RBFOX3: variants seen among roughly 807,000 people sequenced by gnomAD.
RBFOX3 encodes RNA binding protein fox-1 homolog 3.
In RBFOX3, 17 loss-of-function variants were observed where a neutral mutation model predicts 48.7. That is an observed-to-expected ratio of 0.35 (90% confidence interval 0.24 to 0.52). The LOEUF is 0.52. RBFOX3 is among the 20% of genes least tolerant of loss of function. The probability of loss-of-function intolerance (pLI) is 0.94; values close to 1 mark genes in which losing one functional copy is unlikely to be tolerated. For missense variants in RBFOX3, 382 were observed against 497.5 expected (o/e 0.77, Z 2.21); for synonymous variants, 212 against 209.5 (o/e 1.01, Z -0.10).
intron 4 of RBFOX3, among the ~76,000 whole-genome samples, chr17:79,124,182 ACAC>A (rs1441626286): frequency 6.6e-6 from 1 of 152,204 alleles, no homozygotes. Flanking sequence ...GGGAGCATTT[ACAC>A]CACAGGAATC....
At chr17:79,374,585 T>G (rs1336428520) in intron 2 of RBFOX3, among the ~76,000 whole-genome samples, 1 of 152,242 alleles carries the variant, frequency 6.6e-6, no homozygotes, top group Non-Finnish European at 1.5e-5. Flanking sequence ...ATGCGAGAGC[T>G]GGCTGCGCCC....
intron 2 of RBFOX3, among the ~76,000 whole-genome samples, chr17:79,338,442 A>G (rs1434874522): frequency 2.0e-5 from 3 of 152,066 alleles, no homozygotes; most frequent in East Asian, 1.9e-4. Flanking sequence ...CTGTCTTTCC[A>G]TGGAATTTCA....
chr17:79,145,845 G>C (rs1215460202), intron 4 of RBFOX3, among the ~76,000 whole-genome samples: 1 of 152,206 alleles, frequency 6.6e-6, no homozygotes, highest in Non-Finnish European at 1.5e-5. Context: ...GGACAGGGTA[G>C]GTCAGCGTCT....
intron 4 of RBFOX3, among the ~76,000 whole-genome samples, chr17:79,192,262 G>A (rs2054663944): frequency 6.6e-6 from 1 of 152,222 alleles, no homozygotes; most frequent in Admixed American, 6.5e-5. Context: ...GCCCTATGCT[G>A]CTCTTAGCCG....
At chr17:79,563,147 C>A (rs1034277778) in intron 1 of RBFOX3, among the ~76,000 whole-genome samples, 19 of 151,694 alleles carry the variant, frequency 1.3e-4, no homozygotes, top group African/African-American at 4.6e-4. Flanking sequence ...AACAAGCCAA[C>A]AGGATCAATA....
At chr17:79,410,522 A>G (rs1291597692) in intron 2 of RBFOX3, among the ~76,000 whole-genome samples, 2 of 152,098 alleles carry the variant, frequency 1.3e-5, no homozygotes, top group Admixed American at 6.5e-5. Flanking sequence ...TGAAACACAG[A>G]GAGTTTTCTC....
At chr17:79,273,346 T>G (rs2068081327) in intron 3 of RBFOX3, among the ~76,000 whole-genome samples, 1 of 152,236 alleles carries the variant, frequency 6.6e-6, no homozygotes, top group Admixed American at 6.5e-5. Context: ...CAGAGCAATC[T>G]GCCTGAAACC....
chr17:79,517,344 C>G (rs1441394370), intron 1 of RBFOX3, among the ~76,000 whole-genome samples: 5 of 149,866 alleles, frequency 3.3e-5, no homozygotes, highest in African/African-American at 9.9e-5. Flanking sequence ...ACTTGGGAGG[C>G]TGAGGCAGGA....
chr17:79,215,189 G>T (rs1013831671), intron 4 of RBFOX3, among the ~76,000 whole-genome samples: 18 of 152,180 alleles, frequency 1.2e-4, no homozygotes, highest in Non-Finnish European at 1.5e-5. Context: ...CCCCCGCAGG[G>T]CTCCCGGCTG....
At chr17:79,348,022 C>CA (rs1326570521) in intron 2 of RBFOX3, among the ~76,000 whole-genome samples, 1 of 152,126 alleles carries the variant, frequency 6.6e-6, no homozygotes, top group African/African-American at 2.4e-5. Context: ...GGAGAGGCTC[C>CA]AAAAAATCAC....
At chr17:79,504,512 G>A (rs888283938) in intron 1 of RBFOX3, among the ~76,000 whole-genome samples, 6 of 152,184 alleles carry the variant, frequency 3.9e-5, no homozygotes, top group East Asian at 3.9e-4. Context: ...GAGCATGGCC[G>A]AGCTCCCTCC....
chr17:79,490,781 C>T lies in RBFOX3; in HGVS notation c.-319-8183G>A, dbSNP rs868959653. On this transcript the variant is annotated intron_variant, in intron 1 of 14. Transcript: ENST00000693108. ...CACAACCCCAGAGGCAGGGTATGGGCTCCTACAAGATGGCAAGCTCTAGAA... is the reference window on the plus strand; with the variant it reads ...CACAACCCCAGAGGCAGGGTATGGGTTCCTACAAGATGGCAAGCTCTAGAA... Among the ~76,000 whole-genome samples the T allele has an allele frequency of 8.2e-3, 1,243 of 151,260 alleles. 17 individuals are homozygous for T. Among genetic ancestry groups the T allele is most frequent in the African/African-American group, 0.029 (1,198 of 41,126 alleles).
chr17:79,137,023 C>T (rs2040372325), intron 4 of RBFOX3, among the ~76,000 whole-genome samples: 1 of 152,160 alleles, frequency 6.6e-6, no homozygotes, highest in Admixed American at 6.5e-5. Context: ...ACCCTGGCAT[C>T]CCCCAGGACT....
intron 4 of RBFOX3, among the ~76,000 whole-genome samples, chr17:79,170,113 AG>A: frequency 7.0e-6 from 1 of 142,216 alleles, no homozygotes. Flanking sequence ...GGAAAGGAGG[AG>A]GAAGGAAGGA....
intron 4 of RBFOX3, among the ~76,000 whole-genome samples, chr17:79,143,024 T>C (rs6501283): frequency 0.5 from 75,752 of 151,892 alleles, 19,994 homozygotes; most frequent in Non-Finnish European, 0.59. Context: ...TGGGCTGCTG[T>C]GTGAAGGATG....
Position 79,413,759 on chromosome 17 carries a change from C to G in RBFOX3, c.-175+68695G>C, listed in dbSNP as rs555602872. Among the ~76,000 whole-genome samples, 12 of 152,350 alleles carry G rather than the reference C, an allele frequency of 7.9e-5. No homozygotes were observed. The East Asian group carries it at 2.3e-3, about 29-fold the overall frequency. ...CACAGGGTCCAGGAAGAGCTCGCAC[C>G]TGGGCACCCAGCCCGGGCCATCCTT... On this transcript the variant is annotated intron_variant, in intron 2 of 14. Transcript: ENST00000693108.
intron 14 of RBFOX3, chr17:79,092,670 A>G (rs562723383): frequency 1.3e-5 from 13 of 970,840 alleles, no homozygotes; most frequent in Admixed American, 1.2e-4. Context: ...AAAACAGCCA[A>G]TCAGTACCGT....
intron 3 of RBFOX3, among the ~76,000 whole-genome samples, chr17:79,276,411 C>A (rs1042472208): frequency 6.6e-6 from 1 of 152,192 alleles, no homozygotes; most frequent in East Asian, 1.9e-4. Flanking sequence ...CTTGACCAGG[C>A]GCGGTGGTTC....
At chr17:79,498,821 A>T (rs2081973371) in intron 1 of RBFOX3, among the ~76,000 whole-genome samples, 1 of 148,678 alleles carries the variant, frequency 6.7e-6, no homozygotes, top group African/African-American at 2.5e-5. Flanking sequence ...TTACCCATCC[A>T]TCCACTCATG....
Sources: gnomAD v4.1 joint callset for allele counts (sites outside exome capture counted in the v4.1 genomes callset) on GRCh38, gnomAD v4.1.1 for gene constraint, MANE v1.5 for transcripts, NCBI Gene and HGNC (gene_info 2026-07-23, HGNC 2026-07-21) for gene names.